SGPP2: variants seen among roughly 807,000 people sequenced by gnomAD.
SGPP2 encodes the protein sphingosine 1-phosphate phosphohydrolase 2.
In SGPP2, 30 loss-of-function variants were observed where a neutral mutation model predicts 33.9. The observed-to-expected ratio is 0.89, with a 90% CI of 0.66 to 1.20. The LOEUF is 1.20. Ranked by LOEUF, SGPP2 falls within the 50% of genes most tolerant of loss-of-function variation. The probability of loss-of-function intolerance (pLI) is 0.00; values close to 1 mark genes in which losing one functional copy is unlikely to be tolerated. For synonymous variants in SGPP2, 233 were observed against 225.0 expected, an observed-to-expected ratio of 1.04 and a Z score of -0.32; for missense variants, 458 against 532.1, an observed-to-expected ratio of 0.86 and a Z score of 1.37.
intron 4 of SGPP2, among the ~76,000 whole-genome samples, chr2:222,554,734 C>G (rs372127405): frequency 1.3e-5 from 2 of 152,192 alleles, no homozygotes; most frequent in East Asian, 3.9e-4. Flanking sequence ...AAGGGAGCAA[C>G]TATACTGGGA....
rs1689519416 is a variant in SGPP2, at chr2:222,560,602, A to T, written c.*1704A>T. 1 of 152,206 alleles carries T rather than the reference A, an allele frequency of 6.6e-6. No individual in the cohort carries two copies. Among genetic ancestry groups the T allele is most frequent in the Non-Finnish European group, 1.5e-5 (1 of 68,034 alleles). The allele number at this position is 152,206 out of a possible 1,614,324, so 9.4% of individuals were successfully genotyped here. On this transcript the variant is annotated 3_prime_UTR_variant, in exon 5 of 5. Coordinates refer to ENST00000321276, the MANE Select transcript of SGPP2 (RefSeq NM_152386.4). ...ACTATAGTTAACAAAGTATCCATTGAAGTTTAGTGCCTGTAGGACTGAGCC... is the reference window on the plus strand; with the variant it reads ...ACTATAGTTAACAAAGTATCCATTGTAGTTTAGTGCCTGTAGGACTGAGCC...
At chr2:222,515,608 C>T (rs13019125) in intron 2 of SGPP2, among the ~76,000 whole-genome samples, 47,194 of 151,830 alleles carry the variant, frequency 0.31, 7,941 homozygotes, top group Middle Eastern at 0.49. Flanking sequence ...GGATTACAGG[C>T]GTGAGCCACC....
At chr2:222,430,493 GA>G (rs1238193150) in intron 1 of SGPP2, among the ~76,000 whole-genome samples, 8 of 151,386 alleles carry the variant, frequency 5.3e-5, no homozygotes, top group Non-Finnish European at 1.0e-4. Context: ...CTTCTTTTTT[GA>G]AAAAAATAGA....
chr2:222,490,243 TG>T (rs1262572276), intron 2 of SGPP2, among the ~76,000 whole-genome samples: 1 of 152,112 alleles, frequency 6.6e-6, no homozygotes, highest in African/African-American at 2.4e-5. Context: ...ATGCATGGGA[TG>T]GACCCTGGTT....
At chr2:222,487,534 A>G (rs978805088) in intron 2 of SGPP2, among the ~76,000 whole-genome samples, 1 of 152,182 alleles carries the variant, frequency 6.6e-6, no homozygotes, top group Non-Finnish European at 1.5e-5. Flanking sequence ...AGTGTTTTTC[A>G]TCATATGCCA....
chr2:222,537,550 A>T (rs1201790616), intron 4 of SGPP2, among the ~76,000 whole-genome samples: 2 of 152,218 alleles, frequency 1.3e-5, no homozygotes, highest in Admixed American at 1.3e-4. Flanking sequence ...TGCCTGTGAG[A>T]TTGGTTTTAA....
rs1288592857 is a variant in SGPP2 at position 222,542,920 on chromosome 2, G to T, written c.649-15427G>T. ...TCCTCCCACCTCAGGGTCCTGAGTA[G>T]CTGGGACCGCAGTCGTGTGCCACCA... On this transcript the variant is annotated intron_variant, in intron 4 of 4. Coordinates refer to ENST00000321276, the MANE Select transcript of SGPP2 (RefSeq NM_152386.4). Among the ~76,000 whole-genome samples, 3 of 151,852 alleles carry T rather than the reference G, an allele frequency of 2.0e-5. No homozygotes were observed. The East Asian group carries it at 5.8e-4, about 29-fold the overall frequency.
intron 1 of SGPP2, among the ~76,000 whole-genome samples, chr2:222,438,074 G>A (rs571088136): frequency 6.8e-4 from 104 of 152,298 alleles, no homozygotes; most frequent in Middle Eastern, 6.8e-3. Context: ...CTTGATAAAT[G>A]GGCTGGAGTA....
At chr2:222,534,565 G>C (rs1488009979) in intron 4 of SGPP2, among the ~76,000 whole-genome samples, 1 of 151,982 alleles carries the variant, frequency 6.6e-6, no homozygotes, top group Non-Finnish European at 1.5e-5. Context: ...TTCTGGCTTT[G>C]GACTAGAGCA....
chr2:222,489,491 C>G (rs1047134017), intron 2 of SGPP2, among the ~76,000 whole-genome samples: 4 of 151,006 alleles, frequency 2.6e-5, no homozygotes, highest in African/African-American at 9.7e-5. Flanking sequence ...AGGACTTTGT[C>G]TTTTTGGAGG....
At chr2:222,496,066 G>A (rs147733704) in intron 2 of SGPP2, among the ~76,000 whole-genome samples, 8 of 152,220 alleles carry the variant, frequency 5.3e-5, no homozygotes, top group Middle Eastern at 3.4e-3. Context: ...GTGTCACATA[G>A]TGCCCCGACT....
intron 1 of SGPP2, among the ~76,000 whole-genome samples, chr2:222,443,412 G>A (rs969395478): frequency 1.8e-4 from 27 of 151,970 alleles, no homozygotes; most frequent in Admixed American, 7.9e-4. Context: ...AGTGTCTATC[G>A]TTCCCATCCT....
In SGPP2 at chr2:222,426,209, CAAAAA is replaced by C. The variant is rs59881994; in HGVS notation, c.219+1409_219+1413del. 3.6e-3 allele frequency among the ~76,000 whole-genome samples: 214 copies of C among 58,752 alleles called. 1 individual carries two copies. In the Middle Eastern group the frequency reaches 0.047, roughly 13 times the overall value. 38.5% of individuals were successfully genotyped at this position (58,752 alleles called of 152,430 possible). On this transcript the variant is annotated intron_variant, in intron 1 of 4. Transcript: ENST00000321276. The stretch of plus-strand genomic sequence containing the variant: ...AGGGCGACTGAGCGAGACTCCGTCT[CAAAAA>C]AAAAAAAAAAAAAAAAAAAAGACCA...
chr2:222,499,415 C>G (rs1331969100), intron 2 of SGPP2, among the ~76,000 whole-genome samples: 1 of 152,224 alleles, frequency 6.6e-6, no homozygotes, highest in Non-Finnish European at 1.5e-5. Context: ...TCCCCTGCTC[C>G]CTGCAGTGAA....
chr2:222,501,912 AT>A (rs1161013188), intron 2 of SGPP2, among the ~76,000 whole-genome samples: 2 of 152,162 alleles, frequency 1.3e-5, no homozygotes, highest in African/African-American at 4.8e-5. Flanking sequence ...AGGTAAAAAC[AT>A]TTGTTTTTAT....
chr2:222,478,987 T>G (rs1427661219), intron 2 of SGPP2, among the ~76,000 whole-genome samples: 1 of 152,246 alleles, frequency 6.6e-6, no homozygotes, highest in East Asian at 1.9e-4. Context: ...GAGCATTTAG[T>G]ATATATGCCA....
chr2:222,501,001 A>G (rs752752061), intron 2 of SGPP2, among the ~76,000 whole-genome samples: 4 of 152,204 alleles, frequency 2.6e-5, no homozygotes, highest in Admixed American at 1.3e-4. Flanking sequence ...TCTTACCACC[A>G]TTTGGTTCAA....
At chr2:222,521,589 A>T (rs1302635463) in intron 2 of SGPP2, among the ~76,000 whole-genome samples, 178 bp from the exon 3 acceptor site, 1 of 152,260 alleles carries the variant, frequency 6.6e-6, no homozygotes, top group African/African-American at 2.4e-5. Context: ...GAATCCAGAA[A>T]GTCTGTTTTC....
At chr2:222,430,530 G>A (rs1246072857) in intron 1 of SGPP2, among the ~76,000 whole-genome samples, 2 of 151,994 alleles carry the variant, frequency 1.3e-5, no homozygotes, top group African/African-American at 4.8e-5. Flanking sequence ...TGTTGTCCAG[G>A]CTAGTCTCGA....
Sources: allele counts gnomAD v4.1 joint callset (sites outside exome capture counted in the v4.1 genomes callset), GRCh38; gene constraint gnomAD v4.1.1; transcripts MANE v1.5; gene names NCBI Gene and HGNC (gene_info 2026-07-23, HGNC 2026-07-21).